ZNF736: variants seen among roughly 807,000 people sequenced by gnomAD.
The protein encoded by ZNF736 is zinc finger protein 736, also known as KRAB-containing zinc-finger repressor protein.
ZNF736 carries 6 observed loss-of-function variants against 11.7 expected under a neutral mutation model. That is an observed-to-expected ratio of 0.51 (90% CI 0.28 to 1.01). The LOEUF is 1.01. ZNF736 is among the 50% of genes least tolerant of loss of function. The probability of loss-of-function intolerance (pLI) is 0.09; values close to 1 mark genes in which losing one functional copy is unlikely to be tolerated. For missense variants in ZNF736, 444 were observed against 496.0 expected (o/e 0.90, Z 1.00); for synonymous variants, 139 against 164.7 (o/e 0.84, Z 1.19).
In ZNF736 at chr7:64,349,181, T is replaced by C; in HGVS notation, c.*34T>C. The C allele has an allele frequency of 1.4e-6, 2 of 1,442,778 alleles. No homozygotes were observed. The highest frequency in any genetic ancestry group is 1.8e-6 in the Non-Finnish European group (2 of 1,089,596). 89.4% of individuals were successfully genotyped at this position (1,442,778 alleles called of 1,614,324 possible). A position where few individuals can be genotyped will look rare whatever the true frequency, so the allele number is the denominator to read the frequency against. On this transcript the variant is annotated 3_prime_UTR_variant, in exon 4 of 4. Transcript: ENST00000423484. ...AAAAGCCTTTACCAAGTCCTCATACTGTGTTCAACATCTGAAATTTAATAC... is the reference window on the plus strand; with the variant it reads ...AAAAGCCTTTACCAAGTCCTCATACCGTGTTCAACATCTGAAATTTAATAC...
In ZNF736 at chr7:64,314,244, G is replaced by T. The variant is rs1788879580; in HGVS notation, c.3+91G>T. On this transcript the variant is annotated intron_variant, in intron 1 of 3. Coordinates refer to ENST00000423484, the MANE Select transcript of ZNF736 (RefSeq NM_001170905.3). The stretch of plus-strand genomic sequence containing the variant: ...TGCGGTGGTATCTGGGCCTTCTCGC[G>T]GTCTGCTCTGGAGTCTGCATCCCCG... The T allele has an allele frequency of 2.0e-6, 3 of 1,498,730 alleles. No homozygotes were observed. The African/African-American group carries it at 4.2e-5, about 21-fold the overall frequency. The allele number at this position is 1,498,730 out of a possible 1,614,324, so 92.8% of individuals were successfully genotyped here. A position where few individuals can be genotyped will look rare whatever the true frequency, so the allele number is the denominator to read the frequency against.
chr7:64,334,529 CAT>C (rs972566523), intron 1 of ZNF736, among the ~76,000 whole-genome samples: 3 of 152,052 alleles, frequency 2.0e-5, no homozygotes, highest in African/African-American at 4.8e-5. Flanking sequence ...AGCCAACAAA[CAT>C]AAAAAAAAGT....
chr7:64,325,947 T>C (rs540098165), intron 1 of ZNF736, among the ~76,000 whole-genome samples: 4 of 152,300 alleles, frequency 2.6e-5, no homozygotes, highest in South Asian at 2.1e-4. Context: ...AATATACATA[T>C]AGGCTTCTCA....
Position 64,314,075 on chromosome 7 carries a change from T to TA in ZNF736, c.-75dup. 1.9e-6 allele frequency: 3 copies of TA among 1,545,438 alleles called. No individual in the cohort carries two copies. Among genetic ancestry groups the TA allele is most frequent in the Non-Finnish European group, 2.6e-6 (3 of 1,141,664 alleles). ...CTGGAGTTCCTCGGTGACTCTACTA[T>TA]AGCTTCTGTTATCCTGTGACCTGCA... On this transcript the variant is annotated 5_prime_UTR_variant, in exon 1 of 4. The change abolishes the stop of an existing upstream ORF in the 5' untranslated region. Coordinates refer to ENST00000423484, the MANE Select transcript of ZNF736 (RefSeq NM_001170905.3).
In ZNF736 at chr7:64,352,520, A is replaced by G. The variant is rs1178116850; in HGVS notation, c.*3373A>G. ...CAAAGCCAGAAGGCTGGAACAGCTA[A>G]CTCACACAAACAGCAAAAATGGCAG... On this transcript the variant is annotated 3_prime_UTR_variant, in exon 4 of 4. Transcript: ENST00000423484. 1 of 152,900 alleles carries G rather than the reference A, an allele frequency of 6.5e-6. No individual in the cohort carries two copies. The highest frequency in any genetic ancestry group is 1.9e-4 in the East Asian group (1 of 5,196). The allele number at this position is 152,900 out of a possible 1,614,324, so 9.5% of individuals were successfully genotyped here.
chr7:64,338,731 GCAGT>G (rs1378732966), intron 3 of ZNF736, among the ~76,000 whole-genome samples: 1 of 138,538 alleles, frequency 7.2e-6, no homozygotes, highest in Admixed American at 7.2e-5. Flanking sequence ...TTTTTTTTGT[GCAGT>G]CAGTTTCCAC....
intron 3 of ZNF736, among the ~76,000 whole-genome samples, chr7:64,338,090 A>C (rs1320673871): frequency 6.6e-6 from 1 of 152,048 alleles, no homozygotes; most frequent in Admixed American, 6.5e-5. Flanking sequence ...TTTTAACTTT[A>C]TTTTAAACGA....
In ZNF736 at chr7:64,347,245, TG is replaced by T. The variant is rs1167750209; in HGVS notation, c.227-844del. Among the ~76,000 whole-genome samples the T allele has an allele frequency of 3.0e-3, 409 of 135,390 alleles. 3 individuals are homozygous for T. Among genetic ancestry groups the T allele is most frequent in the African/African-American group, 0.01 (359 of 35,260 alleles). The allele number at this position is 135,390 out of a possible 152,430, so 88.8% of individuals were successfully genotyped here. On this transcript the variant is annotated intron_variant, in intron 3 of 3. Transcript: ENST00000423484. ...TTTTTTTTTTTTTTTTTTTTTTGAG[TG>T]TTACTCTTGTTGCCCAGACTGGAGT...
chr7:64,339,637 G>C (rs1276892261), intron 3 of ZNF736, among the ~76,000 whole-genome samples: 1 of 136,008 alleles, frequency 7.4e-6, no homozygotes, highest in African/African-American at 2.5e-5. Flanking sequence ...CTGCTCCACT[G>C]ATATCGGTGT....
Position 64,348,848 on chromosome 7 carries a change from A to C in ZNF736, c.985A>C (p.Ser329Arg). 1 of 1,601,644 alleles carries C rather than the reference A, an allele frequency of 6.2e-7. No homozygotes were observed. ...AGCTTTTAAGTGGTTCTCGGCCCTT[A>C]GTAAACATAAGAGAATTCATACTGG... ...GKAFKWFSALSKHKRIHTGEK... is the reference protein window; with the variant it reads ...GKAFKWFSALRKHKRIHTGEK... The change falls in exon 4 of 4, where the codon AGT becomes CGT. Residue 329 changes from serine to arginine, a missense_variant. Ser to Arg is a moderately radical substitution (Grantham distance 110). Transcript: ENST00000423484.
In ZNF736 at chr7:64,349,855, T is replaced by C. The variant is rs1789462743; in HGVS notation, c.*708T>C. The stretch of plus-strand genomic sequence containing the variant: ...GATATGAAATTCTGTGTTGGAATTC[T>C]TTTTTTAAGAATGTTGAATATTGGC... On this transcript the variant is annotated 3_prime_UTR_variant, in exon 4 of 4. Coordinates refer to ENST00000423484, the MANE Select transcript of ZNF736 (RefSeq NM_001170905.3). The C allele has an allele frequency of 6.6e-6, 1 of 152,266 alleles. No homozygotes were observed. Among genetic ancestry groups the C allele is most frequent in the Non-Finnish European group, 1.5e-5 (1 of 68,074 alleles). 9.4% of individuals were successfully genotyped at this position (152,266 alleles called of 1,614,324 possible).
chr7:64,317,489 T>G (rs891398717), intron 1 of ZNF736, among the ~76,000 whole-genome samples: 2 of 152,180 alleles, frequency 1.3e-5, no homozygotes, highest in African/African-American at 4.8e-5. Flanking sequence ...TGTCCAGTAC[T>G]GGGTTTTTTC....
intron 2 of ZNF736, among the ~76,000 whole-genome samples, 199 bp from the exon 3 acceptor site, chr7:64,336,688 A>G (rs1310350690): frequency 6.6e-6 from 1 of 152,220 alleles, no homozygotes; most frequent in Non-Finnish European, 1.5e-5. Context: ...TTTTTGATTC[A>G]GTATTACTGG....
At chr7:64,317,409 AT>A (rs778407676) in intron 1 of ZNF736, among the ~76,000 whole-genome samples, 8 of 152,166 alleles carry the variant, frequency 5.3e-5, no homozygotes, top group Non-Finnish European at 4.4e-5. Flanking sequence ...TAATTAGCAG[AT>A]TTTTTTCAAA....
intron 1 of ZNF736, among the ~76,000 whole-genome samples, chr7:64,320,098 A>G (rs1471590122): frequency 6.6e-6 from 1 of 152,244 alleles, no homozygotes; most frequent in Non-Finnish European, 1.5e-5. Flanking sequence ...GTGACTAAAA[A>G]CCAACACAAA....
chr7:64,348,115 G>T lies in ZNF736; in HGVS notation c.252G>T (p.Glu84Asp), dbSNP rs1395171220. Residue 84 changes from glutamate to aspartate, a missense_variant, in exon 4 of 4, where the codon GAG becomes GAT. Glu to Asp is a conservative substitution (Grantham distance 45, BLOSUM62 2). Coordinates refer to ENST00000423484, the MANE Select transcript of ZNF736 (RefSeq NM_001170905.3). Reference protein sequence around the residue: ...HPAGSFHFTAEILPDHDIKDS... With the variant: ...HPAGSFHFTADILPDHDIKDS... ...CTGGTTCTTTTCATTTTACTGCAGA[G>T]ATATTGCCGGATCATGACATAAAAG... The T allele has an allele frequency of 6.5e-7, 1 of 1,534,328 alleles. No individual in the cohort carries two copies. The highest frequency in any genetic ancestry group is 1.2e-5 in the South Asian group (1 of 80,908).
At chr7:64,316,948 C>T (rs942780529) in intron 1 of ZNF736, among the ~76,000 whole-genome samples, 32 of 152,140 alleles carry the variant, frequency 2.1e-4, no homozygotes, top group African/African-American at 7.7e-4. Flanking sequence ...GGAAATGTCT[C>T]TCTCATGATG....
chr7:64,320,040 C>T (rs1788982243), intron 1 of ZNF736, among the ~76,000 whole-genome samples: 2 of 152,102 alleles, frequency 1.3e-5, no homozygotes, highest in African/African-American at 2.4e-5. Context: ...GTTTCTATTA[C>T]ACTCTAAATA....
chr7:64,326,648 A>G (rs1019343660), intron 1 of ZNF736, among the ~76,000 whole-genome samples: 2 of 72,784 alleles, frequency 2.7e-5, no homozygotes, highest in African/African-American at 1.1e-4. Flanking sequence ...TCAATAGTTT[A>G]TTTGGAGATT....
Sources: allele counts gnomAD v4.1 joint callset (sites outside exome capture counted in the v4.1 genomes callset), GRCh38; gene constraint gnomAD v4.1.1; transcripts MANE v1.5; gene names NCBI Gene and HGNC (gene_info 2026-07-23, HGNC 2026-07-21).